ADGRB3: variants seen among roughly 807,000 people sequenced by gnomAD.
The protein encoded by ADGRB3 is adhesion G protein-coupled receptor B3.
Under a neutral mutation model 193.4 loss-of-function variants are expected in ADGRB3, and 37 were observed. The ratio of observed to expected loss-of-function variants is 0.19; its 90% confidence interval spans 0.15 to 0.25. ADGRB3 has a LOEUF of 0.25. Among genes scored for constraint, ADGRB3 ranks in the 10% least tolerant of loss-of-function variants. The pLI is 1.00. For synonymous variants in ADGRB3, 690 were observed against 644.2 expected (o/e 1.07, Z -1.08); for missense variants, 1,637 against 1,852.9 (o/e 0.88, Z 2.14).
chr6:68,784,070 A>G (rs1766911531), intron 3 of ADGRB3, among the ~76,000 whole-genome samples: 1 of 152,150 alleles, frequency 6.6e-6, no homozygotes, highest in Non-Finnish European at 1.5e-5. Flanking sequence ...AATTAAGACA[A>G]TGATATCTGA....
intron 11 of ADGRB3, among the ~76,000 whole-genome samples, chr6:69,009,807 G>A (rs547426299): frequency 6.6e-6 from 1 of 152,020 alleles, no homozygotes; most frequent in African/African-American, 2.4e-5. Context: ...TTTGCTACTG[G>A]TTAAGATGGA....
At chr6:68,837,355 A>G (rs1333315276) in intron 3 of ADGRB3, among the ~76,000 whole-genome samples, 1 of 152,230 alleles carries the variant, frequency 6.6e-6, no homozygotes, top group East Asian at 1.9e-4. Context: ...AGTCAACAAT[A>G]GTTGATATAT....
At chr6:68,675,184 A>G (rs780747708) in intron 3 of ADGRB3, among the ~76,000 whole-genome samples, 82 of 152,192 alleles carry the variant, frequency 5.4e-4, no homozygotes, top group Non-Finnish European at 9.4e-4. Flanking sequence ...AGAAGCTGGA[A>G]GTAAGATATC....
chr6:69,046,294 C>G (rs905486746), intron 13 of ADGRB3, among the ~76,000 whole-genome samples: 1 of 152,122 alleles, frequency 6.6e-6, no homozygotes, highest in African/African-American at 2.4e-5. Context: ...CCTCTAAACC[C>G]CAAGACATCA....
intron 20 of ADGRB3, among the ~76,000 whole-genome samples, chr6:69,261,165 A>G (rs1047986827): frequency 6.6e-6 from 1 of 152,190 alleles, no homozygotes; most frequent in Non-Finnish European, 1.5e-5. Context: ...CAGCAAGGCT[A>G]ATCTATAGCT....
At chr6:68,720,501 G>T (rs1175176355) in intron 3 of ADGRB3, among the ~76,000 whole-genome samples, 1 of 151,662 alleles carries the variant, frequency 6.6e-6, no homozygotes. Context: ...TCTAACCTCT[G>T]GAAGGGAAGT....
chr6:68,925,350 G>A (rs1318646823), intron 3 of ADGRB3, among the ~76,000 whole-genome samples: 1 of 151,862 alleles, frequency 6.6e-6, no homozygotes, highest in Non-Finnish European at 1.5e-5. Context: ...TGCCACTTCT[G>A]TTTCTAAATG....
intron 11 of ADGRB3, among the ~76,000 whole-genome samples, chr6:69,007,102 T>G (rs1307032220): frequency 6.6e-6 from 1 of 152,118 alleles, no homozygotes; most frequent in Non-Finnish European, 1.5e-5. Context: ...CACTGCTGCT[T>G]CTTATGTGGT....
chr6:69,246,041 TA>T (rs1190604325), intron 20 of ADGRB3, among the ~76,000 whole-genome samples: 1 of 152,166 alleles, frequency 6.6e-6, no homozygotes, highest in African/African-American at 2.4e-5. Context: ...ATTATTTTTC[TA>T]GGGCCTGTTT....
At chr6:68,732,561 T>C (rs1765793841) in intron 3 of ADGRB3, among the ~76,000 whole-genome samples, 1 of 151,918 alleles carries the variant, frequency 6.6e-6, no homozygotes, top group Non-Finnish European at 1.5e-5. Flanking sequence ...ACAGGAAGCC[T>C]GAGAAATGGT....
intron 3 of ADGRB3, among the ~76,000 whole-genome samples, chr6:68,659,804 G>A (rs1768581082): frequency 6.6e-6 from 1 of 150,948 alleles, no homozygotes; most frequent in African/African-American, 2.4e-5. Flanking sequence ...TGAACATCTG[G>A]TTAACACCTG....
At chr6:69,037,680 T>C (rs1003232064) in intron 13 of ADGRB3, among the ~76,000 whole-genome samples, 1 of 152,114 alleles carries the variant, frequency 6.6e-6, no homozygotes, top group Non-Finnish European at 1.5e-5. Context: ...TGTCTCTCTT[T>C]CTGTCTCTCA....
intron 8 of ADGRB3, among the ~76,000 whole-genome samples, chr6:68,965,251 A>G (rs1206876236): frequency 1.3e-5 from 2 of 152,188 alleles, no homozygotes; most frequent in Non-Finnish European, 2.9e-5. Context: ...TTTTTCCCAC[A>G]GACCTTAGCA....
At chr6:68,911,512 A>G (rs930167306) in intron 3 of ADGRB3, among the ~76,000 whole-genome samples, 2 of 152,180 alleles carry the variant, frequency 1.3e-5, no homozygotes, top group Non-Finnish European at 2.9e-5. Flanking sequence ...ATTCAGTGTG[A>G]TGCTCTGGAT....
intron 3 of ADGRB3, among the ~76,000 whole-genome samples, chr6:68,693,160 C>T (rs944387915): frequency 2.6e-5 from 4 of 151,634 alleles, no homozygotes; most frequent in East Asian, 3.9e-4. Context: ...GTTTAGAGAA[C>T]GTTTAAATGA....
chr6:68,790,512 G>A (rs1040253918), intron 3 of ADGRB3, among the ~76,000 whole-genome samples: 31 of 152,240 alleles, frequency 2.0e-4, no homozygotes, highest in Admixed American at 1.5e-3. Context: ...CCTGACCCCC[G>A]AGTAGCCTAA....
intron 29 of ADGRB3, among the ~76,000 whole-genome samples, chr6:69,362,662 G>A (rs777059496): frequency 2.1e-4 from 32 of 151,988 alleles, no homozygotes; most frequent in Non-Finnish European, 4.0e-4. Flanking sequence ...GGATAACTAG[G>A]TCAGAATCAT....
chr6:69,311,851 T>C (rs1403635326), intron 20 of ADGRB3, among the ~76,000 whole-genome samples: 2 of 151,826 alleles, frequency 1.3e-5, no homozygotes, highest in Admixed American at 6.6e-5. Flanking sequence ...GTGATTCTTC[T>C]TTTAGTATTT....
intron 17 of ADGRB3, among the ~76,000 whole-genome samples, chr6:69,168,263 C>G (rs1329183847): frequency 1.3e-5 from 2 of 152,018 alleles, no homozygotes; most frequent in African/African-American, 4.8e-5. Flanking sequence ...ATGCTGGGTT[C>G]AATTTCATCA....
Sources: allele counts gnomAD v4.1 joint callset (sites outside exome capture counted in the v4.1 genomes callset), GRCh38; gene constraint gnomAD v4.1.1; transcripts MANE v1.5; gene names NCBI Gene and HGNC (gene_info 2026-07-23, HGNC 2026-07-21).